Variants in FRY observed in about 807,000 individuals in gnomAD.
FRY encodes FRY microtubule binding protein, also known as protein furry homolog.
FRY carries 128 observed loss-of-function variants against 348.4 expected under a neutral mutation model. That is an observed-to-expected ratio of 0.37 (90% confidence interval 0.32 to 0.43). The LOEUF (loss-of-function observed/expected upper bound fraction) is 0.43, where lower values mean the gene tolerates loss of function less well. FRY is among the 20% of genes least tolerant of loss of function. The pLI is 1.00. For synonymous variants in FRY, 1,370 were observed against 1,374.7 expected, an observed-to-expected ratio of 1.00 and a Z score of 0.08; for missense variants, 2,736 against 3,695.2, an observed-to-expected ratio of 0.74 and a Z score of 6.73.
chr13:32,166,803 G>T (rs1417197189), intron 17 of FRY, among the ~76,000 whole-genome samples: 1 of 152,118 alleles, frequency 6.6e-6, no homozygotes, highest in African/African-American at 2.4e-5. Flanking sequence ...CAGTTCTGTG[G>T]CAGCTGGGCC....
At chr13:32,058,403 G>C (rs887557023) in intron 1 of FRY, among the ~76,000 whole-genome samples, 1 of 152,128 alleles carries the variant, frequency 6.6e-6, no homozygotes, top group Non-Finnish European at 1.5e-5. Context: ...TTAATTATTA[G>C]AGATTTTATA....
At chr13:32,252,290 T>C (rs1803283046) in intron 50 of FRY, among the ~76,000 whole-genome samples, 2 of 152,168 alleles carry the variant, frequency 1.3e-5, no homozygotes, top group African/African-American at 2.4e-5. Flanking sequence ...GTATGACATA[T>C]ATGCTCATAT....
chr13:32,187,600 C>T lies in FRY; in HGVS notation c.3535C>T (p.Pro1179Ser). ...TGTCTTTGACAATGTGGGCCTTTCC[C>T]CAGATGGCTACCTATATAAATGGCT... ...GPVFDNVGLS[P>S]DGYLYKWLDN... Residue 1179 changes from proline (P) to serine (S), a missense_variant, in exon 28 of 61, where the codon CCA (proline) becomes TCA (serine). Physicochemically the swap from Pro to Ser is moderately conservative, Grantham distance 74 (BLOSUM62 -1). Coordinates refer to ENST00000542859, the MANE Select transcript of FRY (RefSeq NM_023037.3). 6.2e-7 allele frequency: 1 copy of T among 1,612,838 alleles called. No individual in the cohort carries two copies. The highest frequency in any genetic ancestry group is 8.5e-7 in the Non-Finnish European group (1 of 1,178,904).
At chr13:32,202,563 A>T in intron 31 of FRY, 36 bp downstream of exon 31, 3 of 1,451,134 alleles carry the variant, frequency 2.1e-6, no homozygotes, top group Non-Finnish European at 2.9e-6. Flanking sequence ...ATATGTGATC[A>T]TTTCTAATAA....
intron 53 of FRY, 22 bp from the exon 54 acceptor site, chr13:32,265,428 T>A (rs1360139661): frequency 6.2e-7 from 1 of 1,613,234 alleles, no homozygotes; most frequent in East Asian, 2.2e-5. Context: ...TGGGGGATTC[T>A]TTTGTCTTTT....
chr13:32,101,956 T>G lies in FRY; in HGVS notation c.271-7T>G. 1 of 1,437,280 alleles carries G rather than the reference T, an allele frequency of 7.0e-7. No homozygotes were observed. Among genetic ancestry groups the G allele is most frequent in the Non-Finnish European group, 9.8e-7 (1 of 1,018,964 alleles). 89.0% of individuals were successfully genotyped at this position (1,437,280 alleles called of 1,614,324 possible). On this transcript the variant is annotated splice_region_variant and splice_polypyrimidine_tract_variant and intron_variant, in intron 2 of 60. Transcript: ENST00000542859. ...ATTATTCTTGCATATATTCTTTTTCTTTCTAGGAAAAGCCATTGACAAAAT... is the reference window on the plus strand; with the variant it reads ...ATTATTCTTGCATATATTCTTTTTCGTTCTAGGAAAAGCCATTGACAAAAT...
chr13:32,117,747 T>G (rs1225342088), intron 4 of FRY, among the ~76,000 whole-genome samples: 1 of 150,178 alleles, frequency 6.7e-6, no homozygotes, highest in Non-Finnish European at 1.5e-5. Flanking sequence ...CCAGCTTCTT[T>G]CCTCTGCCCT....
chr13:32,295,390 G>A lies in FRY; in HGVS notation c.8972G>A (p.Arg2991His), dbSNP rs760365130. 1.4e-5 allele frequency: 23 copies of A among 1,612,764 alleles called. No individual in the cohort carries two copies. Among genetic ancestry groups the A allele is most frequent in the Admixed American group, 3.3e-5 (2 of 60,004 alleles). The change falls in exon 61 of 61, where the codon CGC becomes CAC. Residue 2991 changes from arginine (R) to histidine (H), a missense_variant. Transcript: ENST00000542859. Reference protein sequence around the residue: ...ELNMEIRDMIRRAQSYRVLTT... With the variant: ...ELNMEIRDMIHRAQSYRVLTT... The stretch of plus-strand genomic sequence containing the variant: ...AACATGGAGATCCGGGACATGATCC[G>A]CAGGGCCCAGAGTTACCGAGTCCTC...
intron 14 of FRY, 79 bp from the exon 15 acceptor site, chr13:32,155,412 C>T (rs370266728): frequency 4.9e-6 from 5 of 1,015,832 alleles, no homozygotes; most frequent in Admixed American, 3.4e-5. Context: ...TCAGTCTTAA[C>T]TATCTGAAAG....
At chr13:32,136,469 A>G (rs1879726578) in intron 10 of FRY, among the ~76,000 whole-genome samples, 1 of 152,244 alleles carries the variant, frequency 6.6e-6, no homozygotes, top group Admixed American at 6.5e-5. Flanking sequence ...TTAGATGTCT[A>G]TGAGCAAAAA....
At chr13:32,236,300 T>C in intron 43 of FRY, 128 bp downstream of exon 43, 3 of 699,908 alleles carry the variant, frequency 4.3e-6, no homozygotes, top group Non-Finnish European at 5.1e-6. Context: ...CCTGAAAAAG[T>C]ATGTGTAATA....
intron 33 of FRY, among the ~76,000 whole-genome samples, chr13:32,210,099 C>T (rs1884601312): frequency 1.3e-5 from 2 of 152,196 alleles, no homozygotes; most frequent in Admixed American, 1.3e-4. Context: ...TTCATGTTTA[C>T]ATCTTGATGC....
rs567250031 is a variant in FRY, at chr13:32,121,303, G to A, written c.465-2983G>A. Among the ~76,000 whole-genome samples the A allele has an allele frequency of 7.9e-5, 12 of 152,308 alleles. No homozygotes were observed. The South Asian group carries it at 2.1e-3, about 26-fold the overall frequency. On this transcript the variant is annotated intron_variant, in intron 4 of 60. Transcript: ENST00000542859. The stretch of plus-strand genomic sequence containing the variant: ...TAGATACCCAGTAGTGGGATTGCTG[G>A]ATCAAATGGTAATTCTACTTTTAGT...
At chr13:32,115,351 C>T (rs1222398228) in intron 3 of FRY, among the ~76,000 whole-genome samples, 1 of 152,154 alleles carries the variant, frequency 6.6e-6, no homozygotes, top group Non-Finnish European at 1.5e-5. Context: ...GCTTCTCAGG[C>T]CGAGATCACA....
chr13:32,216,730 T>C (rs1287562546), intron 35 of FRY, among the ~76,000 whole-genome samples: 4 of 152,260 alleles, frequency 2.6e-5, no homozygotes, highest in Non-Finnish European at 5.9e-5. Context: ...AATAAGTTTG[T>C]CCTTTTTCCA....
chr13:32,036,890 C>G (rs1427732596), intron 1 of FRY, among the ~76,000 whole-genome samples: 1 of 152,132 alleles, frequency 6.6e-6, no homozygotes, highest in Admixed American at 6.5e-5. Context: ...ATAAAGAACA[C>G]TGTGAGGAAC....
chr13:32,203,992 G>C (rs374741422), intron 31 of FRY, among the ~76,000 whole-genome samples: 1 of 152,172 alleles, frequency 6.6e-6, no homozygotes, highest in Non-Finnish European at 1.5e-5. Context: ...CCTAAAAATA[G>C]CTGATAACAG....
At chr13:32,101,856 CATA>C (rs774497567) in intron 2 of FRY, 104 bp from the exon 3 acceptor site, 1 of 724,592 alleles carries the variant, frequency 1.4e-6, no homozygotes, top group Non-Finnish European at 2.5e-6. Flanking sequence ...CTCCTGATTC[CATA>C]ATGAGAGAAA....
chr13:32,257,967 C>T, intron 51 of FRY: 1 of 1,607,794 alleles, frequency 6.2e-7, no homozygotes, highest in Non-Finnish European at 8.5e-7. Flanking sequence ...TACCCAGGAA[C>T]TTCAGGTAAG....
Sources: gnomAD v4.1 joint callset for allele counts (sites outside exome capture counted in the v4.1 genomes callset) on GRCh38, gnomAD v4.1.1 for gene constraint, MANE v1.5 for transcripts, NCBI Gene and HGNC (gene_info 2026-07-23, HGNC 2026-07-21) for gene names.